Variants in PLP2 observed in about 807,000 individuals in gnomAD.
The protein encoded by PLP2 is A4 differentiation-dependent protein.
PLP2 carries 8 observed loss-of-function variants against 11.4 expected under a neutral mutation model. The observed-to-expected ratio is 0.70, with a 90% CI of 0.41 to 1.27. The LOEUF is 1.27. Ranked by LOEUF, PLP2 falls within the 50% of genes most tolerant of loss-of-function variation. The pLI is 0.01. For missense variants in PLP2, 127 were observed against 123.5 expected, an observed-to-expected ratio of 1.03 and a Z score of -0.14; for synonymous variants, 50 against 53.2, an observed-to-expected ratio of 0.94 and a Z score of 0.26.
chrX:49,173,057 AC>A (rs1283996719), intron 1 of PLP2, 71 bp from the exon 2 acceptor site: 72 of 992,036 alleles, frequency 7.3e-5, no homozygotes, highest in South Asian at 2.7e-4. Flanking sequence ...TTAGTATGGG[AC>A]CCCCAATTTA....
chrX:49,174,192 T>A, intron 3 of PLP2, 143 bp from the exon 4 acceptor site: 1 of 514,463 alleles, frequency 1.9e-6, no homozygotes, highest in Non-Finnish European at 3.5e-6. Flanking sequence ...TGCACTCTCT[T>A]GGCCTTTCCC....
chrX:49,173,741 AC>A, intron 3 of PLP2: 1 of 496,444 alleles, frequency 2.0e-6, no homozygotes, highest in Non-Finnish European at 3.3e-6. Context: ...GCACTAGACT[AC>A]CATCTGCAAG....
At position 49,174,811 on chromosome X, in the gene PLP2, A is replaced by G. The variant is rs1450517547; in HGVS notation, c.*117A>G. ...CAACTCCCACCCCCTCTTTGAGGTA[A>G]AAGTGCCTTTATTGGGAGACTTTTG... On this transcript the variant is annotated 3_prime_UTR_variant, in exon 5 of 5. Transcript: ENST00000376327. 3 of 658,241 alleles carry G rather than the reference A, an allele frequency of 4.6e-6. No individual in the cohort carries two copies. The highest frequency in any genetic ancestry group is 7.4e-6 in the Non-Finnish European group (3 of 406,807). 54.2% of individuals were successfully genotyped at this position (658,241 alleles called of 1,213,427 possible).
In PLP2 at chrX:49,174,292, GA is replaced by G. The variant is rs374629732; in HGVS notation, c.346-42del. 296 of 981,205 alleles carry G rather than the reference GA, an allele frequency of 3.0e-4. No homozygotes were observed. In the African/African-American group the frequency reaches 4.8e-3, roughly 16 times the overall value. The allele number at this position is 981,205 out of a possible 1,213,427, so 80.9% of individuals were successfully genotyped here. On this transcript the variant is annotated intron_variant, in intron 3 of 4. Coordinates refer to ENST00000376327, the MANE Select transcript of PLP2 (RefSeq NM_002668.3). The stretch of plus-strand genomic sequence containing the variant: ...AAGAAGATAAGAGACTGAGTAACCT[GA>G]CCAGCTAATCTAAACCCCCTCACTC...
At chrX:49,173,551 C>T (rs1201758072) in intron 3 of PLP2, 68 bp downstream of exon 3, 1 of 1,204,543 alleles carries the variant, frequency 8.3e-7, no homozygotes, top group Non-Finnish European at 1.1e-6. Flanking sequence ...CCATTTCTGC[C>T]TTTGCTTCTG....
At chrX:49,172,559 C>T (rs2147867916) in intron 1 of PLP2, among the ~76,000 whole-genome samples, 1 of 112,577 alleles carries the variant, frequency 8.9e-6, no homozygotes, top group East Asian at 2.8e-4. Flanking sequence ...TCTTCCTCGC[C>T]CTTCAGAGGC....
intron 1 of PLP2, 92 bp from the exon 2 acceptor site, chrX:49,173,037 C>A: frequency 2.6e-6 from 2 of 775,123 alleles, no homozygotes; most frequent in Admixed American, 4.7e-5. Flanking sequence ...CCCCAGCCCT[C>A]GTAGGCATCT....
chrX:49,174,296 A>C (rs782360262), intron 3 of PLP2, 39 bp from the exon 4 acceptor site: 10 of 1,002,620 alleles, frequency 1.0e-5, no homozygotes, highest in Non-Finnish European at 1.3e-5. Flanking sequence ...TAACCTGACC[A>C]GCTAATCTAA....
Position 49,173,294 on chromosome X carries a change from C to G in PLP2, c.249+13C>G. On this transcript the variant is annotated intron_variant, in intron 2 of 4. Coordinates refer to ENST00000376327, the MANE Select transcript of PLP2 (RefSeq NM_002668.3). ...CTGGCCCTGGAGTGTGAGAAGGGGTCCACAATGGCAAGACCAGGGAGGGGT... is the reference window on the plus strand; with the variant it reads ...CTGGCCCTGGAGTGTGAGAAGGGGTGCACAATGGCAAGACCAGGGAGGGGT... 8.3e-7 allele frequency: 1 copy of G among 1,209,750 alleles called. No individual in the cohort carries two copies. The highest frequency in any genetic ancestry group is 1.1e-6 in the Non-Finnish European group (1 of 893,778).
chrX:49,174,033 C>A (rs1388845395), intron 3 of PLP2, among the ~76,000 whole-genome samples: 1 of 110,848 alleles, frequency 9.0e-6, no homozygotes, highest in East Asian at 2.8e-4. Flanking sequence ...TCATGCCACT[C>A]ACTCCAGCCC....
chrX:49,172,731 C>T (rs2065396896), intron 1 of PLP2, among the ~76,000 whole-genome samples: 1 of 112,263 alleles, frequency 8.9e-6, no homozygotes, highest in African/African-American at 3.2e-5. Context: ...CCGCGTGTTC[C>T]GCCCCGGTCA....
chrX:49,173,518 C>T (rs781803667), intron 3 of PLP2, 35 bp downstream of exon 3: 29 of 1,211,275 alleles, frequency 2.4e-5, no homozygotes, highest in Non-Finnish European at 3.0e-5. Flanking sequence ...AAGCACAGAG[C>T]GAAGGGTTTG....
At chrX:49,172,152 G>C in intron 1 of PLP2, 56 bp downstream of exon 1, 3 of 863,573 alleles carry the variant, frequency 3.5e-6, no homozygotes, top group Non-Finnish European at 5.1e-6. Flanking sequence ...GCTGGACCAT[G>C]CGGAACTGGA....
intron 1 of PLP2, 57 bp downstream of exon 1, chrX:49,172,153 C>A: frequency 3.5e-6 from 3 of 860,003 alleles, no homozygotes; most frequent in Non-Finnish European, 5.1e-6. Context: ...CTGGACCATG[C>A]GGAACTGGAT....
Position 49,174,973 on chromosome X carries a change from T to C in PLP2, c.*279T>C. On this transcript the variant is annotated 3_prime_UTR_variant, in exon 5 of 5. Transcript: ENST00000376327. ...CACCTAAGTCACAAAATGAGGGAAG[T>C]GGGGAGTTAGATTTCAGAGTCCAGG... is the stretch of plus-strand genomic sequence containing the variant. 2.3e-6 allele frequency: 1 copy of C among 433,762 alleles called. No individual in the cohort carries two copies. The highest frequency in any genetic ancestry group is 3.4e-5 in the South Asian group (1 of 29,025). 35.7% of individuals were successfully genotyped at this position (433,762 alleles called of 1,213,427 possible). A position where few individuals can be genotyped will look rare whatever the true frequency, so the allele number is the denominator to read the frequency against.
chrX:49,174,461 G>A, intron 4 of PLP2, 36 bp downstream of exon 4: 1 of 1,094,075 alleles, frequency 9.1e-7, no homozygotes, highest in Non-Finnish European at 1.3e-6. Flanking sequence ...GGGTAAGGGG[G>A]TTGCTGAGAG....
rs782227811 is a variant in PLP2 at position 49,174,419 on chromosome X, C to T, written c.430C>T (p.Pro144Ser). The change falls in exon 4 of 5, where the codon CCC (proline) becomes TCC (serine). Residue 144 changes from proline (P) to serine (S), a missense_variant. Coordinates refer to ENST00000376327, the MANE Select transcript of PLP2 (RefSeq NM_002668.3). The part of the protein sequence containing the change: ...PVRQPRHTAA[P>S]TDPADGPV ...TCGGCAGCCAAGACATACAGCAGCC[C>T]CCACTGGTAAGTGTGTGTGTGTGTT... 4.4e-6 allele frequency: 5 copies of T among 1,129,147 alleles called. No homozygotes were observed. The African/African-American group carries it at 1.2e-4, about 27-fold the overall frequency. 93.1% of individuals were successfully genotyped at this position (1,129,147 alleles called of 1,213,427 possible). A position where few individuals can be genotyped will look rare whatever the true frequency, so the allele number is the denominator to read the frequency against.
chrX:49,173,338 C>CG, intron 2 of PLP2, 50 bp from the exon 3 acceptor site: 2 of 1,205,470 alleles, frequency 1.7e-6, no homozygotes, highest in Middle Eastern at 4.6e-4. Context: ...TTAGGATTGT[C>CG]GGGGAACTGT....
intron 1 of PLP2, 103 bp downstream of exon 1, chrX:49,172,199 G>C (rs2065395064): frequency 5.0e-6 from 3 of 600,301 alleles, no homozygotes; most frequent in Admixed American, 2.6e-5. Flanking sequence ...CGGGGCGCTC[G>C]GCAGTGGGGT....
Sources: gnomAD v4.1 joint callset for allele counts (sites outside exome capture counted in the v4.1 genomes callset) on GRCh38, gnomAD v4.1.1 for gene constraint, MANE v1.5 for transcripts, NCBI Gene and HGNC (gene_info 2026-07-23, HGNC 2026-07-21) for gene names.